The following SPOCK3 variants were observed in gnomAD, a reference collection of about 807,000 sequenced individuals.
SPOCK3 encodes the protein testican-3.
Under a neutral mutation model 56.6 loss-of-function variants are expected in SPOCK3, and 30 were observed. The observed-to-expected ratio is 0.53, with a 90% confidence interval of 0.40 to 0.72. The LOEUF (loss-of-function observed/expected upper bound fraction) is 0.72. Among genes scored for constraint, SPOCK3 ranks in the 30% least tolerant of loss-of-function variants. The pLI, the probability that SPOCK3 is intolerant of heterozygous loss-of-function variation, is 0.00. For missense variants in SPOCK3, 527 were observed against 530.0 expected (o/e 0.99, Z 0.06); for synonymous variants, 196 against 183.3 (o/e 1.07, Z -0.56).
At chr4:166,742,309 T>G (rs1734957901) in intron 8 of SPOCK3, among the ~76,000 whole-genome samples, 1 of 152,104 alleles carries the variant, frequency 6.6e-6, no homozygotes. Context: ...GAGAGAGCAC[T>G]CATACTACTT....
intron 2 of SPOCK3, among the ~76,000 whole-genome samples, chr4:167,194,563 G>A (rs756680829): frequency 7.2e-5 from 11 of 152,214 alleles, no homozygotes; most frequent in Non-Finnish European, 1.0e-4. Flanking sequence ...GTCTCTCCGA[G>A]TGTGCAGACT....
At chr4:167,102,825 G>A (rs1390405998) in intron 2 of SPOCK3, among the ~76,000 whole-genome samples, 2 of 147,582 alleles carry the variant, frequency 1.4e-5, no homozygotes, top group African/African-American at 2.5e-5. Flanking sequence ...TGCTAGGCAA[G>A]TCCTAGGCTC....
intron 6 of SPOCK3, among the ~76,000 whole-genome samples, chr4:166,831,319 T>C (rs2126794722): frequency 6.6e-6 from 1 of 152,330 alleles, no homozygotes; most frequent in Non-Finnish European, 1.5e-5. Flanking sequence ...CTTTATCTTT[T>C]ATTGTCTAGC....
At chr4:167,003,873 T>C (rs1749196812) in intron 3 of SPOCK3, among the ~76,000 whole-genome samples, 1 of 152,218 alleles carries the variant, frequency 6.6e-6, no homozygotes, top group African/African-American at 2.4e-5. Context: ...CGTCATTACA[T>C]TCGCAGTGTA....
chr4:167,003,054 G>A lies in SPOCK3; in HGVS notation c.236-2591C>T, dbSNP rs755699040. ...ATAAAATTTTGATTAATCTAGTTACGATTCCAATGCAGACTGGTATGATTA... is the reference window on the plus strand; with the variant it reads ...ATAAAATTTTGATTAATCTAGTTACAATTCCAATGCAGACTGGTATGATTA... On this transcript the variant is annotated intron_variant, in intron 3 of 10. Coordinates refer to ENST00000357545, the MANE Select transcript of SPOCK3 (RefSeq NM_001040159.2). 4.1e-5 allele frequency among the ~76,000 whole-genome samples: 6 copies of A among 145,406 alleles called. No homozygotes were observed. In the South Asian group the frequency reaches 9.0e-4, roughly 22 times the overall value.
intron 6 of SPOCK3, among the ~76,000 whole-genome samples, chr4:166,815,548 T>G (rs1193972316): frequency 6.6e-6 from 1 of 152,020 alleles, no homozygotes; most frequent in African/African-American, 2.4e-5. Context: ...TACCAGAACT[T>G]CAGGAGGCCA....
intron 3 of SPOCK3, among the ~76,000 whole-genome samples, chr4:167,008,608 A>T (rs929750175): frequency 2.6e-5 from 4 of 152,116 alleles, no homozygotes; most frequent in African/African-American, 7.2e-5. Context: ...CTGTTTTCAA[A>T]TGTCTTTTGT....
intron 6 of SPOCK3, among the ~76,000 whole-genome samples, chr4:166,836,063 A>T (rs1261531583): frequency 6.6e-6 from 1 of 152,140 alleles, no homozygotes; most frequent in South Asian, 2.1e-4. Flanking sequence ...AGATGCCTTT[A>T]AAAAAGTGTA....
chr4:166,929,084 G>A (rs1739440949), intron 4 of SPOCK3, among the ~76,000 whole-genome samples: 1 of 152,140 alleles, frequency 6.6e-6, no homozygotes, highest in African/African-American at 2.4e-5. Context: ...TGATAATGGG[G>A]AGGGTTCTGC....
chr4:167,017,224 C>G (rs1750711420), intron 3 of SPOCK3, among the ~76,000 whole-genome samples: 1 of 152,052 alleles, frequency 6.6e-6, no homozygotes, highest in Admixed American at 6.6e-5. Context: ...CATCTGCACC[C>G]CTGTGTTACT....
At chr4:167,143,679 A>T (rs1459982542) in intron 2 of SPOCK3, among the ~76,000 whole-genome samples, 3 of 151,970 alleles carry the variant, frequency 2.0e-5, no homozygotes, top group Non-Finnish European at 4.4e-5. Flanking sequence ...TATACAAAAA[A>T]TACGGTTTAA....
At chr4:167,213,256 G>A (rs71620428) in intron 2 of SPOCK3, among the ~76,000 whole-genome samples, 4,752 of 152,164 alleles carry the variant, frequency 0.031, 115 homozygotes, top group Middle Eastern at 0.075. Context: ...GTTTACATGT[G>A]CAATTTCTTC....
chr4:167,077,126 T>G (rs537708808), intron 2 of SPOCK3, among the ~76,000 whole-genome samples: 2 of 152,040 alleles, frequency 1.3e-5, no homozygotes, highest in South Asian at 4.1e-4. Context: ...TCATTTTATA[T>G]TAAGTGACTC....
intron 4 of SPOCK3, among the ~76,000 whole-genome samples, chr4:166,952,109 A>C (rs1360870600): frequency 6.6e-6 from 1 of 152,192 alleles, no homozygotes; most frequent in Non-Finnish European, 1.5e-5. Context: ...AAGGAAATAA[A>C]GGGTATTCAA....
intron 2 of SPOCK3, among the ~76,000 whole-genome samples, chr4:167,148,085 A>G (rs1258598334): frequency 1.3e-5 from 2 of 152,188 alleles, no homozygotes; most frequent in African/African-American, 4.8e-5. Context: ...TTCCACTGCA[A>G]TGATGGAGAT....
chr4:166,828,562 C>T (rs1206941990), intron 6 of SPOCK3, among the ~76,000 whole-genome samples: 1 of 151,834 alleles, frequency 6.6e-6, no homozygotes, highest in Non-Finnish European at 1.5e-5. Context: ...TACTTATCTC[C>T]CAAGGCACAC....
intron 2 of SPOCK3, among the ~76,000 whole-genome samples, chr4:167,220,370 T>G (rs1461430484): frequency 1.5e-5 from 2 of 132,676 alleles, no homozygotes; most frequent in Admixed American, 1.7e-4. Flanking sequence ...CAACAGATAC[T>G]GTAAGAACTT....
chr4:167,059,859 G>C lies in SPOCK3; in HGVS notation c.235+2633C>G, dbSNP rs1011755045. Among the ~76,000 whole-genome samples the C allele has an allele frequency of 1.2e-4, 18 of 152,062 alleles. 1 individual carries two copies. Among genetic ancestry groups the C allele is most frequent in the African/African-American group, 3.9e-4 (16 of 41,394 alleles). ...GAGTTCATGTCCTTTATAGCGACAT[G>C]GATGAAATTGGAAATCATCATTCTC... On this transcript the variant is annotated intron_variant, in intron 3 of 10. Coordinates refer to ENST00000357545, the MANE Select transcript of SPOCK3 (RefSeq NM_001040159.2).
At chr4:167,057,079 G>A (rs1440415034) in intron 3 of SPOCK3, among the ~76,000 whole-genome samples, 3 of 152,218 alleles carry the variant, frequency 2.0e-5, no homozygotes, top group Non-Finnish European at 4.4e-5. Context: ...CAGACTAACA[G>A]CGGATCTCTC....
Sources: gnomAD v4.1 joint callset for allele counts (sites outside exome capture counted in the v4.1 genomes callset) on GRCh38, gnomAD v4.1.1 for gene constraint, MANE v1.5 for transcripts, NCBI Gene and HGNC (gene_info 2026-07-23, HGNC 2026-07-21) for gene names.